ZFPM2: variants seen among roughly 807,000 people sequenced by gnomAD.
ZFPM2 encodes the protein zinc finger protein, FOG family member 2.
In ZFPM2, 20 loss-of-function variants were observed where a neutral mutation model predicts 98.6. That is an observed-to-expected ratio of 0.20 (90% CI 0.14 to 0.29). The LOEUF is 0.29. Ranked by LOEUF, ZFPM2 falls within the 10% of genes least tolerant of loss-of-function variation. ZFPM2 has a pLI of 1.00. For synonymous variants in ZFPM2, 518 were observed against 502.7 expected (o/e 1.03, Z -0.41); for missense variants, 1,310 against 1,388.6 (o/e 0.94, Z 0.90).
At chr8:105,354,609 C>T (rs531323284) in intron 1 of ZFPM2, among the ~76,000 whole-genome samples, 1 of 152,190 alleles carries the variant, frequency 6.6e-6, no homozygotes, top group Non-Finnish European at 1.5e-5. Context: ...CAGATAACTA[C>T]TCTTCCATTC....
At chr8:105,532,938 G>T (rs1385305066) in intron 3 of ZFPM2, among the ~76,000 whole-genome samples, 1 of 152,118 alleles carries the variant, frequency 6.6e-6, no homozygotes, top group East Asian at 1.9e-4. Flanking sequence ...GAGTGCACCT[G>T]GGGTGGCAGG....
chr8:105,409,948 A>G lies in ZFPM2; in HGVS notation c.41-9196A>G, dbSNP rs564949312. On this transcript the variant is annotated intron_variant, in intron 1 of 7. Coordinates refer to ENST00000407775, the MANE Select transcript of ZFPM2 (RefSeq NM_012082.4). ...CTGATAAACTGCTTGTAATCAGCCA[A>G]TGAAGCCAGGCATCATTTTGGAAGC... is the stretch of plus-strand genomic sequence containing the variant. Among the ~76,000 whole-genome samples the G allele has an allele frequency of 1.5e-4, 23 of 152,042 alleles. 1 individual carries two copies. In the South Asian group the frequency reaches 2.7e-3, roughly 18 times the overall value.
At chr8:105,373,841 A>G (rs929130528) in intron 1 of ZFPM2, among the ~76,000 whole-genome samples, 1 of 152,232 alleles carries the variant, frequency 6.6e-6, no homozygotes, top group African/African-American at 2.4e-5. Context: ...AACTGATGAC[A>G]TACAATAGGC....
At chr8:105,482,604 T>G (rs1813142477) in intron 3 of ZFPM2, among the ~76,000 whole-genome samples, 1 of 152,166 alleles carries the variant, frequency 6.6e-6, no homozygotes, top group Admixed American at 6.5e-5. Flanking sequence ...TTTTTAGTGG[T>G]TTTCTTTCAA....
chr8:105,428,206 G>GGCA (rs1461406890), intron 2 of ZFPM2, among the ~76,000 whole-genome samples: 1 of 152,154 alleles, frequency 6.6e-6, no homozygotes, highest in African/African-American at 2.4e-5. Context: ...CTTTTTCAAG[G>GGCA]TATTTTTTAA....
At chr8:105,615,718 T>C (rs922425600) in intron 4 of ZFPM2, among the ~76,000 whole-genome samples, 9 of 152,254 alleles carry the variant, frequency 5.9e-5, no homozygotes, top group African/African-American at 1.9e-4. Flanking sequence ...AGTCAGAAGG[T>C]ACCCTAGACA....
rs150881519 is a variant in ZFPM2, at chr8:105,542,299, G to A, written c.302-19064G>A. ...CAGGATTATTTCTCCCCTTTGAATT[G>A]TATGAAACCTGAGGTGATAGATTTT... On this transcript the variant is annotated intron_variant, in intron 3 of 7. Coordinates refer to ENST00000407775, the MANE Select transcript of ZFPM2 (RefSeq NM_012082.4). 6.6e-5 allele frequency among the ~76,000 whole-genome samples: 10 copies of A among 152,220 alleles called. No homozygotes were observed. In the East Asian group the frequency reaches 1.9e-3, roughly 29 times the overall value.
intron 3 of ZFPM2, among the ~76,000 whole-genome samples, chr8:105,464,621 G>A (rs990774132): frequency 1.3e-5 from 2 of 151,940 alleles, no homozygotes; most frequent in South Asian, 2.1e-4. Flanking sequence ...CAGAAGATGA[G>A]GGTGTAAAAG....
chr8:105,787,419 ACT>A (rs765862018), intron 5 of ZFPM2: 2 of 152,088 alleles, frequency 1.3e-5, no homozygotes, highest in Non-Finnish European at 2.9e-5. Flanking sequence ...ACAATCATAT[ACT>A]CTCACAGATG....
chr8:105,459,203 T>G (rs1376059948), intron 3 of ZFPM2, among the ~76,000 whole-genome samples: 3 of 152,156 alleles, frequency 2.0e-5, no homozygotes, highest in Non-Finnish European at 4.4e-5. Flanking sequence ...TACACAATCA[T>G]GCCCAGCTAG....
intron 5 of ZFPM2, among the ~76,000 whole-genome samples, chr8:105,706,873 C>T (rs1811276198): frequency 1.3e-5 from 2 of 152,202 alleles, no homozygotes; most frequent in African/African-American, 4.8e-5. Flanking sequence ...AACCACCACG[C>T]CCTGCCCCTC....
intron 3 of ZFPM2, among the ~76,000 whole-genome samples, chr8:105,550,339 G>T (rs1256690151): frequency 6.6e-6 from 1 of 152,066 alleles, no homozygotes; most frequent in Non-Finnish European, 1.5e-5. Context: ...GTGGGTTTGA[G>T]GTCAATCCTT....
chr8:105,499,922 G>C (rs1474200808), intron 3 of ZFPM2, among the ~76,000 whole-genome samples: 9 of 152,086 alleles, frequency 5.9e-5, no homozygotes, highest in Non-Finnish European at 8.8e-5. Context: ...TTCTTACATG[G>C]AACTTTCATA....
At chr8:105,463,185 G>A (rs1224361296) in intron 3 of ZFPM2, among the ~76,000 whole-genome samples, 3 of 151,884 alleles carry the variant, frequency 2.0e-5, no homozygotes, top group Non-Finnish European at 4.4e-5. Flanking sequence ...CTTGCAGCCA[G>A]TGTTTGCAAG....
rs1462653814 is a variant in ZFPM2 at position 105,755,293 on chromosome 8, C to G, written c.533-33425C>G. 2.0e-5 allele frequency among the ~76,000 whole-genome samples: 3 copies of G among 152,160 alleles called. No individual in the cohort carries two copies. The East Asian group carries it at 5.8e-4, about 30-fold the overall frequency. On this transcript the variant is annotated intron_variant, in intron 5 of 7. Transcript: ENST00000407775. ...CCTTATGCAAGGAGAATAAAGCATG[C>G]TGCAAGCCTTTCAGAAATGCCATTT... is the stretch of plus-strand genomic sequence containing the variant.
rs187871555 is a variant in ZFPM2 at position 105,799,469 on chromosome 8, C to T, written c.964+521C>T. Among the ~76,000 whole-genome samples, 627 of 152,170 alleles carry T rather than the reference C, an allele frequency of 4.1e-3. 3 individuals are homozygous for T. Among genetic ancestry groups the T allele is most frequent in the African/African-American group, 0.011 (469 of 41,516 alleles). ...ACTTCCAAAAGATGCATCATAACAG[C>T]TTAGGTGGTTTTTATGACATTAAAC... is the stretch of plus-strand genomic sequence containing the variant. On this transcript the variant is annotated intron_variant, in intron 7 of 7. Coordinates refer to ENST00000407775, the MANE Select transcript of ZFPM2 (RefSeq NM_012082.4).
chr8:105,653,305 G>A (rs76690919), intron 5 of ZFPM2, among the ~76,000 whole-genome samples: 2,479 of 152,240 alleles, frequency 0.016, 58 homozygotes, highest in African/African-American at 0.055. Flanking sequence ...AAATTTGGAG[G>A]TGGGGTGTTC....
Position 105,770,971 on chromosome 8 carries a change from C to T in ZFPM2, c.533-17747C>T, listed in dbSNP as rs1230089146. On this transcript the variant is annotated intron_variant, in intron 5 of 7. Transcript: ENST00000407775. The stretch of plus-strand genomic sequence containing the variant: ...CTAGATGACTTTCCTGCTTCTTGCT[C>T]TGCTCACTCCTGGCCTTCCTAGGAT... Among the ~76,000 whole-genome samples, 7 of 152,116 alleles carry T rather than the reference C, an allele frequency of 4.6e-5. 1 individual carries two copies. Among genetic ancestry groups the T allele is most frequent in the Admixed American group, 4.6e-4 (7 of 15,262 alleles).
intron 3 of ZFPM2, among the ~76,000 whole-genome samples, chr8:105,457,167 A>C (rs1812609522): frequency 2.0e-5 from 3 of 152,158 alleles, no homozygotes; most frequent in Admixed American, 2.0e-4. Context: ...AACAGCCAGT[A>C]TGTTGTTATT....
Sources: allele counts gnomAD v4.1 joint callset (sites outside exome capture counted in the v4.1 genomes callset), GRCh38; gene constraint gnomAD v4.1.1; transcripts MANE v1.5; gene names NCBI Gene and HGNC (gene_info 2026-07-23, HGNC 2026-07-21).